The following GABRA1 variants were observed in gnomAD, a reference collection of about 807,000 sequenced individuals.
The protein encoded by GABRA1 is gamma-aminobutyric acid type A receptor subunit alpha1.
In GABRA1, 9 loss-of-function variants were observed where a neutral mutation model predicts 48.9. The observed-to-expected ratio is 0.18, with a 90% confidence interval of 0.11 to 0.32. The LOEUF (loss-of-function observed/expected upper bound fraction) is 0.32. GABRA1 is among the 10% of genes least tolerant of loss of function. The probability of loss-of-function intolerance (pLI) is 1.00; values close to 1 mark genes in which losing one functional copy is unlikely to be tolerated. For missense variants in GABRA1, 285 were observed against 553.8 expected (o/e 0.51, Z 4.87); for synonymous variants, 210 against 198.7 (o/e 1.06, Z -0.48).
At chr5:161,871,390 T>C (rs566066806) in intron 4 of GABRA1, among the ~76,000 whole-genome samples, 1 of 152,234 alleles carries the variant, frequency 6.6e-6, no homozygotes, top group South Asian at 2.1e-4. Context: ...AGAGCTTATA[T>C]GGCTAAGACC....
intron 3 of GABRA1, among the ~76,000 whole-genome samples, chr5:161,857,576 A>G (rs1757699218): frequency 6.6e-6 from 1 of 151,644 alleles, no homozygotes. Flanking sequence ...GATGACTAAT[A>G]AAGAGGTATC....
At chr5:161,849,738 T>A (rs1757362534) in intron 1 of GABRA1, among the ~76,000 whole-genome samples, 1 of 152,226 alleles carries the variant, frequency 6.6e-6, no homozygotes, top group African/African-American at 2.4e-5. Context: ...ATTCCTTATA[T>A]TATGACTGGA....
intron 2 of GABRA1, among the ~76,000 whole-genome samples, chr5:161,851,611 T>A (rs879386211): frequency 4.6e-5 from 7 of 152,164 alleles, no homozygotes; most frequent in Admixed American, 4.6e-4. Flanking sequence ...CCTATTCCTG[T>A]GACCCATAAG....
At chr5:161,882,004 A>T (rs1364690968) in intron 6 of GABRA1, 2 of 155,284 alleles carry the variant, frequency 1.3e-5, no homozygotes. Context: ...AAGGAGAAGG[A>T]GAAGAAGAAG....
chr5:161,886,302 C>T (rs535414878), intron 7 of GABRA1, among the ~76,000 whole-genome samples: 107 of 151,164 alleles, frequency 7.1e-4, no homozygotes, highest in Non-Finnish European at 1.2e-3. Context: ...GCTGGTTTTG[C>T]AACTTATTTA....
intron 6 of GABRA1, among the ~76,000 whole-genome samples, chr5:161,877,765 A>G (rs561047447): frequency 1.3e-5 from 2 of 152,330 alleles, no homozygotes; most frequent in South Asian, 2.1e-4. Context: ...AGTGTCTCAT[A>G]TAAGAAAATT....
intron 3 of GABRA1, among the ~76,000 whole-genome samples, chr5:161,860,227 T>C (rs1757800270): frequency 6.6e-6 from 1 of 151,878 alleles, no homozygotes; most frequent in Non-Finnish European, 1.5e-5. Context: ...AGGAATGTTC[T>C]AGCGTGTTTA....
intron 8 of GABRA1, among the ~76,000 whole-genome samples, chr5:161,893,042 T>A (rs959083312): frequency 5.4e-5 from 7 of 130,398 alleles, no homozygotes; most frequent in South Asian, 5.0e-4. Context: ...ATAATAATAA[T>A]AATAATAAAA....
At chr5:161,854,045 A>G (rs1757549826) in intron 2 of GABRA1, 113 bp from the exon 3 acceptor site, 4 of 551,604 alleles carry the variant, frequency 7.3e-6, no homozygotes, top group Non-Finnish European at 1.3e-5. Flanking sequence ...ATAATTTTCA[A>G]GTTAAGATTC....
Position 161,889,735 on chromosome 5 carries a change from G to A in GABRA1, c.704-1163G>A, listed in dbSNP as rs117125370. ...CTTTATATTGTCACACAAGAGAGGG[G>A]CAGCTGTTTGCTACTGGCCTCTAGT... On this transcript the variant is annotated intron_variant, in intron 7 of 9. Coordinates refer to ENST00000393943, the MANE Select transcript of GABRA1 (RefSeq NM_001127644.2). Among the ~76,000 whole-genome samples the A allele has an allele frequency of 9.0e-4, 137 of 152,064 alleles. 2 individuals are homozygous for A. The East Asian group carries it at 0.016, about 18-fold the overall frequency.
At chr5:161,876,744 G>A (rs920411823) in intron 6 of GABRA1, among the ~76,000 whole-genome samples, 1 of 152,104 alleles carries the variant, frequency 6.6e-6, no homozygotes, top group South Asian at 2.1e-4. Context: ...TAATATGAAC[G>A]ATTATGTTTT....
chr5:161,890,568 A>G (rs1212168769), intron 7 of GABRA1, among the ~76,000 whole-genome samples: 1 of 152,094 alleles, frequency 6.6e-6, no homozygotes, highest in Non-Finnish European at 1.5e-5. Flanking sequence ...AGGGTTTAGC[A>G]TATTGCCTTC....
At chr5:161,850,146 A>T (rs1241644745) in intron 1 of GABRA1, 1 of 151,588 alleles carries the variant, frequency 6.6e-6, no homozygotes, top group African/African-American at 2.4e-5. Context: ...GCTTGACTAT[A>T]AAGTGTGTCC....
intron 2 of GABRA1, among the ~76,000 whole-genome samples, chr5:161,852,219 A>G (rs555952637): frequency 8.5e-5 from 13 of 152,204 alleles, no homozygotes; most frequent in African/African-American, 3.1e-4. Flanking sequence ...CAATGCAAAC[A>G]ATTGGTGAAA....
chr5:161,877,005 G>T (rs938047983), intron 6 of GABRA1, among the ~76,000 whole-genome samples: 16 of 152,074 alleles, frequency 1.1e-4, no homozygotes, highest in African/African-American at 3.6e-4. Flanking sequence ...CACAATCATG[G>T]CTCACTGCAG....
At chr5:161,850,160 A>C (rs1757379060) in intron 1 of GABRA1, 1 of 153,700 alleles carries the variant, frequency 6.5e-6, no homozygotes, top group Admixed American at 6.5e-5. Context: ...TGTGTCCTTT[A>C]GCTTCACAGA....
rs755336024 is a variant in GABRA1 at position 161,897,202 on chromosome 5, C to G, written c.1151C>G (p.Pro384Arg). 2 of 1,614,104 alleles carry G rather than the reference C, an allele frequency of 1.2e-6. No homozygotes were observed. Among genetic ancestry groups the G allele is most frequent in the African/African-American group, 2.7e-5 (2 of 75,030 alleles). The change falls in exon 10 of 10, where the codon CCG becomes CGG. Residue 384 changes from proline (P) to arginine (R), a missense_variant. Pro to Arg is a moderately radical substitution (Grantham distance 103). Coordinates refer to ENST00000393943, the MANE Select transcript of GABRA1 (RefSeq NM_001127644.2). The stretch of plus-strand genomic sequence containing the variant: ...ACCCCTAATTTGGCCAGGGGCGACC[C>G]GGGCTTAGCCACCATTGCTAAAAGT... ...SYTPNLARGD[P>R]GLATIAKSAT...
chr5:161,870,336 C>T (rs536414017), intron 4 of GABRA1, among the ~76,000 whole-genome samples: 169 of 152,002 alleles, frequency 1.1e-3, no homozygotes, highest in Admixed American at 2.9e-3. Flanking sequence ...CCGAGGCGGG[C>T]GGATCACCTG....
At chr5:161,894,825 T>C (rs1755286487) in intron 8 of GABRA1, among the ~76,000 whole-genome samples, 1 of 152,134 alleles carries the variant, frequency 6.6e-6, no homozygotes, top group South Asian at 2.1e-4. Context: ...TAAAATGGGC[T>C]AACTTGAAAA....
Sources: gnomAD v4.1 joint callset for allele counts (sites outside exome capture counted in the v4.1 genomes callset) on GRCh38, gnomAD v4.1.1 for gene constraint, MANE v1.5 for transcripts, NCBI Gene and HGNC (gene_info 2026-07-23, HGNC 2026-07-21) for gene names.